CNOT7: variants seen among roughly 807,000 people sequenced by gnomAD.
The protein encoded by CNOT7 is CCR4-NOT transcription complex subunit 7.
A neutral mutation model predicts 37.1 loss-of-function variants in CNOT7; 4 were observed. That is an observed-to-expected ratio of 0.11 (90% CI 0.05 to 0.25). The LOEUF is 0.25. Ranked by LOEUF, CNOT7 falls within the 10% of genes least tolerant of loss-of-function variation. The probability of loss-of-function intolerance (pLI) is 1.00; values close to 1 mark genes in which losing one functional copy is unlikely to be tolerated. For missense variants in CNOT7, 170 were observed against 336.2 expected, an observed-to-expected ratio of 0.51 and a Z score of 3.87; for synonymous variants, 128 against 115.6, an observed-to-expected ratio of 1.11 and a Z score of -0.69.
At chr8:17,240,765 G>C (rs926843462) in intron 3 of CNOT7, among the ~76,000 whole-genome samples, 3 of 152,154 alleles carry the variant, frequency 2.0e-5, no homozygotes, top group Admixed American at 6.5e-5. Flanking sequence ...TATCATTTGA[G>C]AAAAAGGATA....
At position 17,228,369 on chromosome 8, in the gene CNOT7, A is replaced by AAACTT. The variant is rs1808296361; in HGVS notation, c.*2346_*2350dup. ...CTGTCTGGAACAAAATAAAAAAGTA[A>AAACTT]AACTTAGACCCAGTAAAAGTCAAAA... On this transcript the variant is annotated 3_prime_UTR_variant, in exon 7 of 7. Transcript: ENST00000361272. The AAACTT allele has an allele frequency of 6.6e-6, 1 of 151,960 alleles. No individual in the cohort carries two copies. Among genetic ancestry groups the AAACTT allele is most frequent in the South Asian group, 2.1e-4 (1 of 4,834 alleles). 9.4% of individuals were successfully genotyped at this position (151,960 alleles called of 1,614,324 possible). A position where few individuals can be genotyped will look rare whatever the true frequency, so the allele number is the denominator to read the frequency against.
chr8:17,234,944 AAGC>A (rs1257303137), intron 4 of CNOT7, 84 bp from the exon 5 acceptor site: 6 of 1,266,494 alleles, frequency 4.7e-6, no homozygotes, highest in South Asian at 4.6e-5. Flanking sequence ...ATTCAAATTT[AAGC>A]AAGTCACACT....
intron 3 of CNOT7, chr8:17,242,652 T>G (rs922048479): frequency 5.8e-6 from 1 of 172,794 alleles, no homozygotes. Context: ...ACAAGAAGGA[T>G]AAATATTATA....
chr8:17,245,350 G>A, intron 1 of CNOT7, 103 bp from the exon 2 acceptor site: 1 of 497,440 alleles, frequency 2.0e-6, no homozygotes, highest in Non-Finnish European at 3.2e-6. Context: ...CAAAGTTCTT[G>A]ACTCATAAAA....
chr8:17,232,377 T>A, intron 6 of CNOT7, 50 bp downstream of exon 6: 1 of 1,611,172 alleles, frequency 6.2e-7, no homozygotes, highest in Non-Finnish European at 8.5e-7. Flanking sequence ...AGATTTTTAA[T>A]GTTCTCAACC....
intron 4 of CNOT7, among the ~76,000 whole-genome samples, chr8:17,235,692 T>C (rs541022802): frequency 1.3e-5 from 2 of 152,194 alleles, no homozygotes; most frequent in African/African-American, 4.8e-5. Flanking sequence ...TATATGACAT[T>C]TGCTCACTAA....
chr8:17,239,023 T>C (rs1338525481), intron 3 of CNOT7, among the ~76,000 whole-genome samples: 1 of 152,204 alleles, frequency 6.6e-6, no homozygotes, highest in Non-Finnish European at 1.5e-5. Context: ...TGTCTGTGTA[T>C]TATCTGTAAA....
rs1808355337 is a variant in CNOT7, at chr8:17,229,328, G to A, written c.*1392C>T. 1 of 152,214 alleles carries A rather than the reference G, an allele frequency of 6.6e-6. No individual in the cohort carries two copies. The highest frequency in any genetic ancestry group is 1.5e-5 in the Non-Finnish European group (1 of 67,848). 9.4% of individuals were successfully genotyped at this position (152,214 alleles called of 1,614,324 possible). ...TGTTTTGTTTAAAAAGGACCACCCA[G>A]TTACAGCACTGTAATATCATGAATA... On this transcript the variant is annotated 3_prime_UTR_variant, in exon 7 of 7. Coordinates refer to ENST00000361272, the MANE Select transcript of CNOT7 (RefSeq NM_013354.7).
rs1811207954 is a variant in CNOT7, at chr8:17,246,751, G to A, written c.-172C>T. The A allele has an allele frequency of 5.3e-6, 1 of 187,404 alleles. No individual in the cohort carries two copies. Among genetic ancestry groups the A allele is most frequent in the Non-Finnish European group, 1.1e-5 (1 of 90,572 alleles). The allele number at this position is 187,404 out of a possible 1,614,324, so 11.6% of individuals were successfully genotyped here. On this transcript the variant is annotated 5_prime_UTR_variant, in exon 1 of 7. Transcript: ENST00000361272. ...ACTCGGCGGCGGTGGCGGTGGCGGT[G>A]GCGGTAGCGGCGGCGGCAGCGGGTG...
intron 1 of CNOT7, among the ~76,000 whole-genome samples, 181 bp from the exon 2 acceptor site, chr8:17,245,428 A>G (rs1563216318): frequency 6.6e-6 from 1 of 152,210 alleles, no homozygotes; most frequent in Non-Finnish European, 1.5e-5. Flanking sequence ...AAAGGACTAC[A>G]GTACAGATTT....
chr8:17,239,419 C>A (rs981434443), intron 3 of CNOT7, among the ~76,000 whole-genome samples: 1 of 152,150 alleles, frequency 6.6e-6, no homozygotes, highest in Non-Finnish European at 1.5e-5. Context: ...AATGAAGCAT[C>A]AGCATCCTTT....
intron 3 of CNOT7, among the ~76,000 whole-genome samples, chr8:17,240,051 T>G (rs938583070): frequency 6.6e-6 from 1 of 152,240 alleles, no homozygotes; most frequent in South Asian, 2.1e-4. Context: ...ACTAAATCCC[T>G]AGTGTCTAGC....
At chr8:17,241,552 C>T (rs1810168153) in intron 3 of CNOT7, 1 of 152,154 alleles carries the variant, frequency 6.6e-6, no homozygotes, top group African/African-American at 2.4e-5. Flanking sequence ...AGAAAGAATT[C>T]ATACATTGGC....
intron 3 of CNOT7, 129 bp from the exon 4 acceptor site, chr8:17,237,502 T>A (rs1457535113): frequency 1.4e-6 from 1 of 718,272 alleles, no homozygotes; most frequent in Non-Finnish European, 2.3e-6. Flanking sequence ...CCTGTTTCAA[T>A]GCTTTATATA....
chr8:17,234,809 A>G lies in CNOT7; in HGVS notation c.525T>C (p.Pro175=), dbSNP rs745599445. 1 of 1,614,044 alleles carries G rather than the reference A, an allele frequency of 6.2e-7. No individual in the cohort carries two copies. Among genetic ancestry groups the G allele is most frequent in the Non-Finnish European group, 8.5e-7 (1 of 1,179,916 alleles). ...LIKILTNSNL[P]EEELDFFEIL... is the part of the protein sequence containing the mutation. ...TCTCAAAGAAGTCAAGTTCTTCTTC[A>G]GGCAAGTTAGAGTTGGTTAGGATTT... is the stretch of plus-strand genomic sequence containing the variant. Residue 175 remains proline, a synonymous_variant, in exon 5 of 7, where the codon CCT becomes CCC. Coordinates refer to ENST00000361272, the MANE Select transcript of CNOT7 (RefSeq NM_013354.7).
At chr8:17,240,727 T>C (rs1389480943) in intron 3 of CNOT7, among the ~76,000 whole-genome samples, 2 of 152,180 alleles carry the variant, frequency 1.3e-5, no homozygotes. Flanking sequence ...ACAAATGAAA[T>C]GGTAAAGCAC....
Position 17,227,519 on chromosome 8 carries a change from C to T in CNOT7, c.*3201G>A, listed in dbSNP as rs771798212. 10 of 151,972 alleles carry T rather than the reference C, an allele frequency of 6.6e-5. No individual in the cohort carries two copies. Among genetic ancestry groups the T allele is most frequent in the East Asian group, 1.9e-4 (1 of 5,180 alleles). The allele number at this position is 151,972 out of a possible 1,614,324, so 9.4% of individuals were successfully genotyped here. A position where few individuals can be genotyped will look rare whatever the true frequency, so the allele number is the denominator to read the frequency against. On this transcript the variant is annotated 3_prime_UTR_variant, in exon 7 of 7. Transcript: ENST00000361272. ...TTGGGTTGGTTACTATCTTCAAGCACGATGTAATTCAGCATTAGTAAATGG... is the reference window on the plus strand; with the variant it reads ...TTGGGTTGGTTACTATCTTCAAGCATGATGTAATTCAGCATTAGTAAATGG...
Position 17,226,289 on chromosome 8 carries a change from G to A in CNOT7, c.*4431C>T, listed in dbSNP as rs1273698206. 1.3e-5 allele frequency: 2 copies of A among 151,110 alleles called. No homozygotes were observed. Among genetic ancestry groups the A allele is most frequent in the Middle Eastern group, 3.4e-3 (1 of 290 alleles). The allele number at this position is 151,110 out of a possible 1,614,324, so 9.4% of individuals were successfully genotyped here. A position where few individuals can be genotyped will look rare whatever the true frequency, so the allele number is the denominator to read the frequency against. ...TTTTGCTCAATTTGGGCTGAAAGTT[G>A]GTATCCCCTCATTGGAATAAATAGA... On this transcript the variant is annotated 3_prime_UTR_variant, in exon 7 of 7. Coordinates refer to ENST00000361272, the MANE Select transcript of CNOT7 (RefSeq NM_013354.7).
At position 17,232,505 on chromosome 8, in the gene CNOT7, C is replaced by T; in HGVS notation, c.651G>A (p.Glu217=). The T allele has an allele frequency of 1.2e-6, 2 of 1,614,060 alleles. No homozygotes were observed. The highest frequency in any genetic ancestry group is 1.7e-6 in the Non-Finnish European group (2 of 1,179,970). Residue 217 remains glutamate, a synonymous_variant, in exon 6 of 7, where the codon GAG becomes GAA. Coordinates refer to ENST00000361272, the MANE Select transcript of CNOT7 (RefSeq NM_013354.7). ...GGLQEVAEQL[E]LERIGPQHQA... ...GATGTTGTGGTCCTATCCGTTCCAG[C>T]TCTAACTGTTCTGCCACCTCCTGTA...
Sources: allele counts gnomAD v4.1 joint callset (sites outside exome capture counted in the v4.1 genomes callset), GRCh38; gene constraint gnomAD v4.1.1; transcripts MANE v1.5; gene names NCBI Gene and HGNC (gene_info 2026-07-23, HGNC 2026-07-21).